NINL: variants seen among roughly 807,000 people sequenced by gnomAD.
NINL encodes the protein ninein-like protein.
A neutral mutation model predicts 160.3 loss-of-function variants in NINL; 153 were observed. The observed-to-expected ratio is 0.95, with a 90% CI of 0.84 to 1.09. The LOEUF (loss-of-function observed/expected upper bound fraction) is 1.09, where lower values mean the gene tolerates loss of function less well. Ranked by LOEUF, NINL falls within the 50% of genes least tolerant of loss-of-function variation. The pLI, the probability that NINL is intolerant of heterozygous loss-of-function variation, is 0.00. For missense variants in NINL, 1,829 were observed against 1,764.0 expected (o/e 1.04, Z -0.66); for synonymous variants, 800 against 734.8 (o/e 1.09, Z -1.43).
chr20:25,551,031 G>GCCTT (rs1356332212), intron 1 of NINL, among the ~76,000 whole-genome samples: 2 of 152,218 alleles, frequency 1.3e-5, no homozygotes, highest in Non-Finnish European at 2.9e-5. Flanking sequence ...GGTCCCTGCG[G>GCCTT]CCTTCCGCAG....
At position 25,500,939 on chromosome 20, in the gene NINL, G is replaced by C; in HGVS notation, c.933C>G (p.Leu311=). 6.2e-7 allele frequency: 1 copy of C among 1,614,234 alleles called. No homozygotes were observed. Among genetic ancestry groups the C allele is most frequent in the Non-Finnish European group, 8.5e-7 (1 of 1,180,042 alleles). ...SLVSLCSSLR[L]FSSIDDGSGF... ...CAGAACCATCGTCAATGCTGGAGAA[G>C]AGGCGCAGGCTGGAGCACAGGGACA... The change falls in exon 8 of 24, where the codon CTC becomes CTG. Residue 311 remains leucine, a synonymous_variant. Transcript: ENST00000278886.
At chr20:25,498,450 C>G in intron 8 of NINL, 104 bp from the exon 9 acceptor site, 1 of 1,423,708 alleles carries the variant, frequency 7.0e-7, no homozygotes, top group South Asian at 1.3e-5. Context: ...CATGGCTGTC[C>G]CAGGCAGCAC....
chr20:25,582,190 GGTAGCAGT>G (rs1296233723), intron 1 of NINL, among the ~76,000 whole-genome samples: 3 of 152,212 alleles, frequency 2.0e-5, no homozygotes, highest in African/African-American at 2.4e-5. Flanking sequence ...GGGAGGTGGA[GGTAGCAGT>G]GAGCCGAGAT....
intron 5 of NINL, among the ~76,000 whole-genome samples, chr20:25,508,415 T>G (rs2064002737): frequency 6.6e-6 from 1 of 152,246 alleles, no homozygotes; most frequent in African/African-American, 2.4e-5. Context: ...TACAGACCAG[T>G]GCTACTCCCT....
At chr20:25,484,991 G>A (rs775344031) in intron 13 of NINL, among the ~76,000 whole-genome samples, 4 of 152,202 alleles carry the variant, frequency 2.6e-5, no homozygotes, top group Non-Finnish European at 5.9e-5. Context: ...TGTGCCAGCT[G>A]AGGATGCACA....
intron 2 of NINL, 125 bp from the exon 3 acceptor site, chr20:25,517,974 T>C (rs2064191095): frequency 9.4e-6 from 5 of 534,188 alleles, no homozygotes; most frequent in Non-Finnish European, 1.3e-5. Context: ...ATGAGAACAT[T>C]CACGTTTTCA....
intron 6 of NINL, 35 bp downstream of exon 6, chr20:25,504,853 G>T (rs1283259717): frequency 1.2e-6 from 2 of 1,604,706 alleles, no homozygotes; most frequent in Admixed American, 1.7e-5. Context: ...CCATGGCCAG[G>T]AATATGTGGC....
intron 21 of NINL, among the ~76,000 whole-genome samples, chr20:25,460,331 C>T: frequency 6.6e-6 from 1 of 152,190 alleles, no homozygotes; most frequent in East Asian, 1.9e-4. Context: ...TTTGGGGGAG[C>T]GTCTTCCTCT....
intron 13 of NINL, among the ~76,000 whole-genome samples, chr20:25,488,099 G>A (rs1601114397): frequency 6.6e-6 from 1 of 152,336 alleles, no homozygotes; most frequent in East Asian, 1.9e-4. Flanking sequence ...CAATCACTCT[G>A]TGTCATACAG....
intron 1 of NINL, among the ~76,000 whole-genome samples, chr20:25,538,853 C>T (rs1019336688): frequency 6.6e-5 from 10 of 152,168 alleles, no homozygotes; most frequent in Admixed American, 6.5e-4. Flanking sequence ...GAGCACAGGG[C>T]TGGGGAACAC....
intron 3 of NINL, among the ~76,000 whole-genome samples, chr20:25,516,270 A>C (rs1323047773): frequency 6.6e-6 from 1 of 152,178 alleles, no homozygotes; most frequent in Non-Finnish European, 1.5e-5. Context: ...ACCCAGTCTC[A>C]GGTAGTTTCT....
At chr20:25,567,226 C>CA (rs1364449062) in intron 1 of NINL, among the ~76,000 whole-genome samples, 4 of 152,022 alleles carry the variant, frequency 2.6e-5, no homozygotes, top group African/African-American at 9.7e-5. Context: ...AACTGAAAAG[C>CA]AAAGAGAACA....
At chr20:25,561,667 G>C (rs1370434208) in intron 1 of NINL, among the ~76,000 whole-genome samples, 1 of 150,158 alleles carries the variant, frequency 6.7e-6, no homozygotes, top group Non-Finnish European at 1.5e-5. Context: ...GAGATGTGGG[G>C]AGCGCCTCTG....
rs763164416 is a variant in NINL at position 25,480,312 on chromosome 20, C to T, written c.1811-45G>A. 28 of 1,523,764 alleles carry T rather than the reference C, an allele frequency of 1.8e-5. No homozygotes were observed. In the African/African-American group the frequency reaches 2.2e-4, roughly 12 times the overall value. 94.4% of individuals were successfully genotyped at this position (1,523,764 alleles called of 1,614,324 possible). On this transcript the variant is annotated intron_variant, in intron 14 of 23. Transcript: ENST00000278886. The stretch of plus-strand genomic sequence containing the variant: ...TCCGTTTGTCACACTGAGGATGCCA[C>T]GGGGGCCCCTTCCAAACCTTCCAAT...
chr20:25,517,037 T>C (rs899015915), intron 3 of NINL, among the ~76,000 whole-genome samples: 2 of 152,082 alleles, frequency 1.3e-5, no homozygotes, highest in Non-Finnish European at 2.9e-5. Context: ...TTAAATGGAC[T>C]CTTTGTAAAC....
chr20:25,541,294 G>A (rs1455216635), intron 1 of NINL, among the ~76,000 whole-genome samples: 1 of 152,204 alleles, frequency 6.6e-6, no homozygotes, highest in Non-Finnish European at 1.5e-5. Flanking sequence ...CATTAAAAGA[G>A]CTAATGCTAA....
chr20:25,519,870 G>A (rs186208827), intron 2 of NINL, among the ~76,000 whole-genome samples: 5 of 151,878 alleles, frequency 3.3e-5, no homozygotes, highest in Admixed American at 2.0e-4. Flanking sequence ...CGGGCATGGC[G>A]GCATGTGCCT....
chr20:25,515,080 C>A (rs545073685), intron 3 of NINL, among the ~76,000 whole-genome samples: 2 of 152,194 alleles, frequency 1.3e-5, no homozygotes, highest in Non-Finnish European at 2.9e-5. Flanking sequence ...GTCCTCCAGA[C>A]CCTAGAATGG....
In NINL at chr20:25,480,676, TTATC is replaced by T. The variant is rs1021061034; in HGVS notation, c.1811-413_1811-410del. On this transcript the variant is annotated intron_variant, in intron 14 of 23. Coordinates refer to ENST00000278886, the MANE Select transcript of NINL (RefSeq NM_025176.6). ...ATGACCACAGCTGTGTGCACGGAGG[TTATC>T]TATCTATTTAGATAACCTTTCCTTG... 1.3e-4 allele frequency among the ~76,000 whole-genome samples: 20 copies of T among 150,282 alleles called. No homozygotes were observed. The East Asian group carries it at 1.4e-3, about 10-fold the overall frequency.
Sources: gnomAD v4.1 joint callset for allele counts (sites outside exome capture counted in the v4.1 genomes callset) on GRCh38, gnomAD v4.1.1 for gene constraint, MANE v1.5 for transcripts, NCBI Gene and HGNC (gene_info 2026-07-23, HGNC 2026-07-21) for gene names.